The following ARFGEF2 variants were observed in gnomAD, a reference collection of about 807,000 sequenced individuals.
ARFGEF2 encodes brefeldin A-inhibited guanine nucleotide-exchange protein 2.
ARFGEF2 carries 74 observed loss-of-function variants against 219.9 expected under a neutral mutation model. That is an observed-to-expected ratio of 0.34 (90% CI 0.28 to 0.41). The LOEUF is 0.41. Among genes scored for constraint, ARFGEF2 ranks in the 10% least tolerant of loss-of-function variants. ARFGEF2 has a pLI of 1.00. For missense variants in ARFGEF2, 1,743 were observed against 2,218.3 expected (o/e 0.79, Z 4.30); for synonymous variants, 733 against 799.2 (o/e 0.92, Z 1.40).
At chr20:49,008,233 G>C (rs143517231) in intron 26 of ARFGEF2, among the ~76,000 whole-genome samples, 1 of 152,128 alleles carries the variant, frequency 6.6e-6, no homozygotes, top group Admixed American at 6.6e-5. Context: ...TGTTGGTACC[G>C]GTACAACATG....
intron 34 of ARFGEF2, among the ~76,000 whole-genome samples, chr20:49,019,651 A>C (rs571630625): frequency 2.1e-4 from 32 of 152,338 alleles, no homozygotes; most frequent in Non-Finnish European, 3.8e-4. Flanking sequence ...CCACATTGCT[A>C]TCTATTACAT....
rs1296109173 is a variant in ARFGEF2, at chr20:49,018,251, C to T, written c.4510-633C>T. On this transcript the variant is annotated intron_variant, in intron 33 of 38. Transcript: ENST00000371917. Reference sequence around the variant, plus strand: ...ATTTTTTATTTTATTTTATTTTTCTCGAGACAGAGTCTCGCTCTGTCCCCA... The same window carrying T: ...ATTTTTTATTTTATTTTATTTTTCTTGAGACAGAGTCTCGCTCTGTCCCCA... Among the ~76,000 whole-genome samples the T allele has an allele frequency of 2.6e-5, 4 of 152,014 alleles. No individual in the cohort carries two copies. The South Asian group carries it at 6.2e-4, about 24-fold the overall frequency.
intron 34 of ARFGEF2, among the ~76,000 whole-genome samples, chr20:49,021,290 C>T (rs973731271): frequency 6.6e-6 from 1 of 151,476 alleles, no homozygotes; most frequent in Non-Finnish European, 1.5e-5. Flanking sequence ...AATAATTTCA[C>T]AGCCACTTTC....
chr20:48,994,358 A>G, intron 21 of ARFGEF2, 93 bp from the exon 22 acceptor site: 2 of 1,528,394 alleles, frequency 1.3e-6, no homozygotes, highest in South Asian at 1.1e-5. Flanking sequence ...ACTCCATTGA[A>G]CCAACTTTTT....
intron 14 of ARFGEF2, among the ~76,000 whole-genome samples, chr20:48,981,884 A>T (rs1214666305): frequency 6.6e-6 from 1 of 152,180 alleles, no homozygotes; most frequent in African/African-American, 2.4e-5. Flanking sequence ...CCATTCGTCT[A>T]ATCTTTTTTC....
chr20:49,018,840 A>G (rs371848169), intron 33 of ARFGEF2, 44 bp from the exon 34 acceptor site: 29 of 1,545,348 alleles, frequency 1.9e-5, no homozygotes, highest in Middle Eastern at 1.7e-4. Context: ...CCAAATTATC[A>G]TGAAGAAAAG....
chr20:49,023,931 A>G (rs1296650562), intron 35 of ARFGEF2, among the ~76,000 whole-genome samples: 1 of 151,970 alleles, frequency 6.6e-6, no homozygotes, highest in Admixed American at 6.6e-5. Flanking sequence ...TTTGTTTTCT[A>G]TATGCAACTT....
chr20:48,992,020 A>G (rs1044297497), intron 21 of ARFGEF2, among the ~76,000 whole-genome samples: 1 of 152,218 alleles, frequency 6.6e-6, no homozygotes, highest in African/African-American at 2.4e-5. Flanking sequence ...TAGGTGTGAC[A>G]GACCTGCAGA....
rs142587669 is a variant in ARFGEF2 at position 48,997,122 on chromosome 20, C to T, written c.3222-1071C>T. The stretch of plus-strand genomic sequence containing the variant: ...TCCTTTTTCAACTCATGTATGTTGC[C>T]TCTATTGTTAAGTGCATATAATGTC... On this transcript the variant is annotated intron_variant, in intron 23 of 38. Coordinates refer to ENST00000371917, the MANE Select transcript of ARFGEF2 (RefSeq NM_006420.3). 1.5e-3 allele frequency among the ~76,000 whole-genome samples: 233 copies of T among 152,178 alleles called. 1 individual carries two copies. In the Middle Eastern group the frequency reaches 0.024, roughly 16 times the overall value.
chr20:48,996,084 AAG>A (rs1181093099), intron 23 of ARFGEF2, among the ~76,000 whole-genome samples: 1 of 152,234 alleles, frequency 6.6e-6, no homozygotes, highest in East Asian at 1.9e-4. Flanking sequence ...TGTCAAAAAT[AAG>A]AGTTTTTCGC....
At position 49,033,339 on chromosome 20, in the gene ARFGEF2, C is replaced by A; in HGVS notation, c.*140C>A. 2.2e-6 allele frequency: 2 copies of A among 902,708 alleles called. No homozygotes were observed. The highest frequency in any genetic ancestry group is 3.5e-6 in the Non-Finnish European group (2 of 578,468). The allele number at this position is 902,708 out of a possible 1,614,324, so 55.9% of individuals were successfully genotyped here. The stretch of plus-strand genomic sequence containing the variant: ...ATGGCCTGGAAACGGATGGCCTCTA[C>A]GCTGTTCCATCACAGTCTCCAACTA... On this transcript the variant is annotated 3_prime_UTR_variant, in exon 39 of 39. Coordinates refer to ENST00000371917, the MANE Select transcript of ARFGEF2 (RefSeq NM_006420.3).
At chr20:48,991,312 C>T (rs1172501343) in intron 21 of ARFGEF2, 114 bp downstream of exon 21, 15 of 1,434,080 alleles carry the variant, frequency 1.0e-5, no homozygotes, top group Non-Finnish European at 9.7e-6. Flanking sequence ...ATCACTGTAC[C>T]TCATGTATCT....
At chr20:48,996,219 G>T (rs566126063) in intron 23 of ARFGEF2, among the ~76,000 whole-genome samples, 1 of 149,472 alleles carries the variant, frequency 6.7e-6, no homozygotes, top group South Asian at 2.1e-4. Context: ...ACTTTGGGAG[G>T]TCAAGGCAGG....
At chr20:48,989,809 C>T (rs538939985) in intron 20 of ARFGEF2, 125 bp downstream of exon 20, 502 of 1,405,676 alleles carry the variant, frequency 3.6e-4, no homozygotes, top group Non-Finnish European at 4.7e-4. Flanking sequence ...TTACTTATGC[C>T]TACTGACAAG....
Position 48,989,454 on chromosome 20 carries a change from T to G in ARFGEF2, c.2685+18T>G, listed in dbSNP as rs780126329. 6.2e-7 allele frequency: 1 copy of G among 1,614,126 alleles called. No individual in the cohort carries two copies. The highest frequency in any genetic ancestry group is 1.3e-5 in the African/African-American group (1 of 74,944). On this transcript the variant is annotated intron_variant, in intron 19 of 38. Transcript: ENST00000371917. ...TGTTCAAAGTGAGTATCCTGAGAAC[T>G]TAGCAAGCATGTGGCTAAGCCTGAT...
chr20:49,031,110 T>TGCTACAG (rs1304522700), intron 37 of ARFGEF2, among the ~76,000 whole-genome samples: 2 of 152,104 alleles, frequency 1.3e-5, no homozygotes, highest in Non-Finnish European at 2.9e-5. Context: ...TAAGCTCTTG[T>TGCTACAG]GCTACAGACA....
intron 3 of ARFGEF2, among the ~76,000 whole-genome samples, chr20:48,947,571 A>G (rs2091036080): frequency 6.6e-6 from 1 of 151,014 alleles, no homozygotes; most frequent in South Asian, 2.1e-4. Context: ...TTATTAAAGT[A>G]TATATATGGC....
chr20:49,028,457 G>T, intron 36 of ARFGEF2, 73 bp from the exon 37 acceptor site: 1 of 1,449,408 alleles, frequency 6.9e-7, no homozygotes, highest in Non-Finnish European at 9.6e-7. Flanking sequence ...AAAATAACTA[G>T]ATTTCTAGTC....
At chr20:49,029,595 AT>A (rs71184247) in intron 37 of ARFGEF2, among the ~76,000 whole-genome samples, 53,214 of 146,978 alleles carry the variant, frequency 0.36, 10,137 homozygotes, top group African/African-American at 0.53. Flanking sequence ...TTAAAAGTGA[AT>A]TTTTTTTTTT....
Sources: gnomAD v4.1 joint callset for allele counts (sites outside exome capture counted in the v4.1 genomes callset) on GRCh38, gnomAD v4.1.1 for gene constraint, MANE v1.5 for transcripts, NCBI Gene and HGNC (gene_info 2026-07-23, HGNC 2026-07-21) for gene names.